The following APP variants were observed in gnomAD, a reference collection of about 807,000 sequenced individuals.
APP encodes the protein amyloid-beta precursor protein.
In APP, 31 loss-of-function variants were observed where a neutral mutation model predicts 101.4. The observed-to-expected ratio is 0.31, with a 90% CI of 0.23 to 0.41. APP has a LOEUF of 0.41. APP is among the 10% of genes least tolerant of loss of function. APP has a pLI of 1.00. For missense variants in APP, 839 were observed against 1,003.7 expected, an observed-to-expected ratio of 0.84 and a Z score of 2.22; for synonymous variants, 366 against 364.4, an observed-to-expected ratio of 1.00 and a Z score of -0.05.
chr21:26,147,238 A>C (rs989168917), intron 1 of APP, among the ~76,000 whole-genome samples: 1 of 152,196 alleles, frequency 6.6e-6, no homozygotes, highest in Non-Finnish European at 1.5e-5. Context: ...AAAGACAGAG[A>C]GCCTGCTTTT....
chr21:26,096,487 A>T (rs1200604675), intron 2 of APP, among the ~76,000 whole-genome samples: 1 of 152,138 alleles, frequency 6.6e-6, no homozygotes, highest in Non-Finnish European at 1.5e-5. Context: ...CCTATAGCTT[A>T]TTAGAGCCCA....
chr21:25,930,085 C>T (rs1413687378), intron 13 of APP, among the ~76,000 whole-genome samples: 2 of 152,156 alleles, frequency 1.3e-5, no homozygotes, highest in Non-Finnish European at 2.9e-5. Flanking sequence ...CTGAACCTTC[C>T]AACAGGACAA....
chr21:26,010,820 CAAAAAAAAA>C (rs58036272), intron 6 of APP, among the ~76,000 whole-genome samples: 6 of 54,844 alleles, frequency 1.1e-4, no homozygotes, highest in Admixed American at 3.2e-4. Flanking sequence ...GACTTCGTCT[CAAAAAAAAA>C]AAAAAAAAAA....
rs1265709691 is a variant in APP, at chr21:26,017,159, A to G, written c.865+4681T>C. Among the ~76,000 whole-genome samples, 3 of 134,488 alleles carry G rather than the reference A, an allele frequency of 2.2e-5. No homozygotes were observed. In the East Asian group the frequency reaches 6.6e-4, roughly 30 times the overall value. 88.2% of individuals were successfully genotyped at this position (134,488 alleles called of 152,430 possible). On this transcript the variant is annotated intron_variant, in intron 6 of 17. Coordinates refer to ENST00000346798, the MANE Select transcript of APP (RefSeq NM_000484.4). ...GCTTGCAGTGAGCCAAGATCGCACC[A>G]CTACACTCCAGCCTGGGTGACAGAG...
rs7278223 is a variant in APP at position 25,881,907 on chromosome 21, C to T, written c.2212-136G>A. On this transcript the variant is annotated intron_variant, in intron 17 of 17. Coordinates refer to ENST00000346798, the MANE Select transcript of APP (RefSeq NM_000484.4). ...GCAGAACACCCATAATTTTCTCCCC[C>T]ACTTTGACATCTTGGAGCAGAACGC... The T allele has an allele frequency of 0.13, 117,623 of 892,718 alleles. 8,984 individuals carry two copies. Among genetic ancestry groups the T allele is most frequent in the African/African-American group, 0.28 (16,707 of 60,466 alleles). 55.3% of individuals were successfully genotyped at this position (892,718 alleles called of 1,614,324 possible).
chr21:25,992,498 T>C (rs1001933696), intron 8 of APP, among the ~76,000 whole-genome samples: 24 of 152,156 alleles, frequency 1.6e-4, no homozygotes, highest in Admixed American at 1.4e-3. Context: ...TATTCCGAAA[T>C]CCAAAATCTG....
chr21:26,161,879 C>T (rs1443964331), intron 1 of APP, among the ~76,000 whole-genome samples: 3 of 151,524 alleles, frequency 2.0e-5, no homozygotes, highest in South Asian at 2.1e-4. Flanking sequence ...AACTTTGCAT[C>T]GGTTTTAAAG....
chr21:25,964,589 G>C (rs746634331), intron 11 of APP, among the ~76,000 whole-genome samples: 18 of 149,910 alleles, frequency 1.2e-4, no homozygotes, highest in Admixed American at 2.0e-4. Flanking sequence ...TCATCACTTA[G>C]TGACCTTTTT....
At chr21:26,170,500 G>A in intron 1 of APP, 64 bp downstream of exon 1, 10 of 1,501,344 alleles carry the variant, frequency 6.7e-6, no homozygotes, top group Non-Finnish European at 8.9e-6. Flanking sequence ...TTGGGTTAAG[G>A]TCTTGGGGGG....
At chr21:25,998,208 A>G (rs2243327) in intron 7 of APP, among the ~76,000 whole-genome samples, 17,429 of 152,176 alleles carry the variant, frequency 0.11, 1,846 homozygotes, top group African/African-American at 0.28. Flanking sequence ...CAAATCTGCC[A>G]GGAAACCTCT....
intron 1 of APP, among the ~76,000 whole-genome samples, chr21:26,112,351 A>C (rs930029924): frequency 6.6e-6 from 1 of 152,224 alleles, no homozygotes; most frequent in Non-Finnish European, 1.5e-5. Flanking sequence ...TTTCTTTTAT[A>C]CTAAAACAGA....
chr21:25,968,147 T>A (rs1050375498), intron 11 of APP, among the ~76,000 whole-genome samples: 1 of 152,088 alleles, frequency 6.6e-6, no homozygotes, highest in Non-Finnish European at 1.5e-5. Context: ...AGTATTTATC[T>A]CATTTTTTAA....
At chr21:26,144,421 T>C (rs991096418) in intron 1 of APP, among the ~76,000 whole-genome samples, 3 of 152,258 alleles carry the variant, frequency 2.0e-5, no homozygotes, top group African/African-American at 4.8e-5. Flanking sequence ...TTATTCCTGA[T>C]ACAATCTCAA....
intron 13 of APP, among the ~76,000 whole-genome samples, chr21:25,921,406 C>T (rs1359567585): frequency 2.1e-5 from 3 of 143,914 alleles, no homozygotes; most frequent in African/African-American, 7.8e-5. Flanking sequence ...AATAGAGACA[C>T]AAAAAACCCT....
intron 1 of APP, among the ~76,000 whole-genome samples, chr21:26,146,694 G>A (rs546497348): frequency 2.0e-5 from 3 of 152,184 alleles, no homozygotes; most frequent in East Asian, 1.9e-4. Context: ...AGCATTCAGC[G>A]CACTATTCTC....
chr21:26,138,580 C>A (rs2062970971), intron 1 of APP, among the ~76,000 whole-genome samples: 1 of 151,622 alleles, frequency 6.6e-6, no homozygotes, highest in Admixed American at 6.6e-5. Context: ...GTAGTCCTAG[C>A]TACTTAGGAG....
chr21:25,989,905 TAAAAAAAAAGTGTCTCTAA>T (rs1323040850), intron 8 of APP, among the ~76,000 whole-genome samples: 3 of 140,288 alleles, frequency 2.1e-5, no homozygotes, highest in Non-Finnish European at 4.5e-5. Flanking sequence ...TATTATAACT[TAAAAAAAAAGTGTCTCTAA>T]AAAAAAAAAA....
intron 1 of APP, among the ~76,000 whole-genome samples, chr21:26,170,160 A>G (rs2063712269): frequency 6.6e-6 from 1 of 152,166 alleles, no homozygotes; most frequent in Non-Finnish European, 1.5e-5. Flanking sequence ...AGAGCGAAGG[A>G]CTGGCTTTAG....
At position 25,930,403 on chromosome 21, in the gene APP, T is replaced by C. The variant is rs917675172; in HGVS notation, c.1688-18441A>G. Among the ~76,000 whole-genome samples, 4 of 152,218 alleles carry C rather than the reference T, an allele frequency of 2.6e-5. No individual in the cohort carries two copies. The East Asian group carries it at 7.7e-4, about 29-fold the overall frequency. On this transcript the variant is annotated intron_variant, in intron 13 of 17. Transcript: ENST00000346798. ...GTGCATTCTAATTGATTCATGTTGA[T>C]ACATGCTGAATTGATGGAATTTTAT...
Sources: allele counts gnomAD v4.1 joint callset (sites outside exome capture counted in the v4.1 genomes callset), GRCh38; gene constraint gnomAD v4.1.1; transcripts MANE v1.5; gene names NCBI Gene and HGNC (gene_info 2026-07-23, HGNC 2026-07-21).